ROS1: variants seen among roughly 807,000 people sequenced by gnomAD.
The protein encoded by ROS1 is proto-oncogene tyrosine-protein kinase ROS.
In ROS1, 263 loss-of-function variants were observed where a neutral mutation model predicts 273.5. The ratio of observed to expected loss-of-function variants is 0.96; its 90% confidence interval spans 0.87 to 1.06. The LOEUF (loss-of-function observed/expected upper bound fraction) is 1.06, where lower values mean the gene tolerates loss of function less well. ROS1 is among the 50% of genes least tolerant of loss of function. The probability of loss-of-function intolerance (pLI) is 0.00; values close to 1 mark genes in which losing one functional copy is unlikely to be tolerated. For synonymous variants in ROS1, 1,008 were observed against 954.1 expected (o/e 1.06, Z -1.04); for missense variants, 2,833 against 2,751.1 (o/e 1.03, Z -0.67).
chr6:117,425,626 G>A lies in ROS1; in HGVS notation c.31C>T (p.Leu11Phe). MKNIYCLIPK[L>F]VNFATLGCLW... ...CAGCCAAGAGTTGCAAAATTGACAAGCTTCGGAATAAGACAGTAAATGTTC... is the reference window on the plus strand; with the variant it reads ...CAGCCAAGAGTTGCAAAATTGACAAACTTCGGAATAAGACAGTAAATGTTC... The change falls in exon 1 of 44, where the codon CTT becomes TTT. Residue 11 changes from leucine to phenylalanine, a missense_variant. Coordinates refer to ENST00000368507, the MANE Select transcript of ROS1 (RefSeq NM_001378902.1). 1 of 1,611,980 alleles carries A rather than the reference G, an allele frequency of 6.2e-7. No homozygotes were observed. The highest frequency in any genetic ancestry group is 8.5e-7 in the Non-Finnish European group (1 of 1,179,180).
chr6:117,341,033 A>G (rs904861829), intron 31 of ROS1, 102 bp downstream of exon 31: 2 of 740,130 alleles, frequency 2.7e-6, no homozygotes, highest in Admixed American at 2.9e-5. Flanking sequence ...GAAAGTTGTC[A>G]AATATATTGT....
At chr6:117,405,516 G>A (rs1231766036) in intron 5 of ROS1, among the ~76,000 whole-genome samples, 1 of 152,160 alleles carries the variant, frequency 6.6e-6, no homozygotes, top group Non-Finnish European at 1.5e-5. Flanking sequence ...TCCAATGATG[G>A]AGTTGTCAGC....
intron 33 of ROS1, among the ~76,000 whole-genome samples, chr6:117,327,174 A>T (rs917902229): frequency 6.6e-6 from 1 of 152,186 alleles, no homozygotes; most frequent in Non-Finnish European, 1.5e-5. Context: ...ATCTGGTTCT[A>T]TTCCTGCTAA....
chr6:117,410,609 G>A (rs137996524), intron 4 of ROS1, among the ~76,000 whole-genome samples: 231 of 152,160 alleles, frequency 1.5e-3, no homozygotes, highest in African/African-American at 5.1e-3. Flanking sequence ...CAGAAAAGGC[G>A]CATATTGTAA....
chr6:117,417,636 A>G (rs1775433084), intron 2 of ROS1, among the ~76,000 whole-genome samples: 1 of 152,312 alleles, frequency 6.6e-6, no homozygotes, highest in East Asian at 1.9e-4. Flanking sequence ...GGCAATTGGT[A>G]TGTAACTTGG....
At position 117,362,509 on chromosome 6, in the gene ROS1, ATT is replaced by A. The variant is rs1203651211; in HGVS notation, c.3366+92_3366+93del. The A allele has an allele frequency of 4.1e-6, 5 of 1,219,854 alleles. No homozygotes were observed. In the Admixed American group the frequency reaches 1.2e-4, roughly 29 times the overall value. 75.6% of individuals were successfully genotyped at this position (1,219,854 alleles called of 1,614,324 possible). A position where few individuals can be genotyped will look rare whatever the true frequency, so the allele number is the denominator to read the frequency against. On this transcript the variant is annotated intron_variant, in intron 22 of 43. Coordinates refer to ENST00000368507, the MANE Select transcript of ROS1 (RefSeq NM_001378902.1). ...CAATCAAAATCTAGGTATGTGTGCC[ATT>A]TACACTGTAACATATCCCAGAAACA...
intron 18 of ROS1, among the ~76,000 whole-genome samples, chr6:117,371,791 G>T (rs1780802250): frequency 6.6e-6 from 1 of 152,086 alleles, no homozygotes. Flanking sequence ...GGTCACTGCT[G>T]GCTTTTCCCC....
At position 117,335,303 on chromosome 6, in the gene ROS1, G is replaced by A. The variant is rs144668392; in HGVS notation, c.5230+1869C>T. On this transcript the variant is annotated intron_variant, in intron 32 of 43. Coordinates refer to ENST00000368507, the MANE Select transcript of ROS1 (RefSeq NM_001378902.1). ...ACTACAATGAGATACCATCTCACGC[G>A]AGTCAGAATGGCAACTATTAAAAAG... Among the ~76,000 whole-genome samples the A allele has an allele frequency of 2.8e-3, 430 of 152,146 alleles. 1 individual carries two copies. The highest frequency in any genetic ancestry group is 9.9e-3 in the African/African-American group (410 of 41,558).
At chr6:117,393,624 G>A (rs1773249658) in intron 11 of ROS1, among the ~76,000 whole-genome samples, 1 of 152,174 alleles carries the variant, frequency 6.6e-6, no homozygotes, top group Non-Finnish European at 1.5e-5. Context: ...AGCAATGGCT[G>A]TTGCTTACTG....
chr6:117,341,219 C>T lies in ROS1; in HGVS notation c.4977G>A (p.Leu1659=), dbSNP rs780398903. Residue 1659 remains leucine, a synonymous_variant, in exon 31 of 44, where the codon TTG becomes TTA. Transcript: ENST00000368507. ...ATTGCAAACTAGTGTTCTCTGGAAC[C>T]AAGGAATAAGGTTTCTCTGGTGTGT... ...MFNTPEKPYS[L]VPENTSLQFN... The T allele has an allele frequency of 6.2e-7, 1 of 1,613,352 alleles. No homozygotes were observed. The highest frequency in any genetic ancestry group is 1.1e-5 in the South Asian group (1 of 91,046).
At chr6:117,400,375 T>G (rs1349095407) in intron 7 of ROS1, among the ~76,000 whole-genome samples, 3 of 152,204 alleles carry the variant, frequency 2.0e-5, no homozygotes, top group Non-Finnish European at 1.5e-5. Flanking sequence ...TACAAGGGAG[T>G]AAGCTTCTTA....
At chr6:117,317,064 A>T in intron 39 of ROS1, 79 bp downstream of exon 39, 2 of 1,455,168 alleles carry the variant, frequency 1.4e-6, no homozygotes, top group South Asian at 1.4e-5. Context: ...ACTGCAGCCT[A>T]TTAAATTTAA....
In ROS1 at chr6:117,377,577, C is replaced by A. The variant is rs1045014170; in HGVS notation, c.2582+1482G>T. On this transcript the variant is annotated intron_variant, in intron 18 of 43. Transcript: ENST00000368507. ...AATAAATTTACGATGAATTATAGAT[C>A]TAATCATGAAAGCTAAAACGATAAA... Among the ~76,000 whole-genome samples, 5 of 151,932 alleles carry A rather than the reference C, an allele frequency of 3.3e-5. No homozygotes were observed. In the East Asian group the frequency reaches 9.6e-4, roughly 29 times the overall value.
intron 12 of ROS1, among the ~76,000 whole-genome samples, chr6:117,390,060 T>C (rs1258841658): frequency 6.6e-6 from 1 of 152,238 alleles, no homozygotes; most frequent in Non-Finnish European, 1.5e-5. Context: ...TCAGCCTCAC[T>C]TGTAATGCTT....
chr6:117,303,753 C>T lies in ROS1; in HGVS notation c.6552-2616G>A, dbSNP rs577689221. Among the ~76,000 whole-genome samples, 6 of 152,188 alleles carry T rather than the reference C, an allele frequency of 3.9e-5. No homozygotes were observed. The South Asian group carries it at 1.2e-3, about 32-fold the overall frequency. On this transcript the variant is annotated intron_variant, in intron 42 of 43. Coordinates refer to ENST00000368507, the MANE Select transcript of ROS1 (RefSeq NM_001378902.1). Reference sequence around the variant, plus strand: ...ATGTGGACTATAAATTATAAAGGGGCAGGTTGGAAACTATTAAAGAAGACT... The same window carrying T: ...ATGTGGACTATAAATTATAAAGGGGTAGGTTGGAAACTATTAAAGAAGACT...
intron 27 of ROS1, 89 bp from the exon 28 acceptor site, chr6:117,344,351 TAGAA>T (rs1778201645): frequency 1.1e-6 from 1 of 876,690 alleles, no homozygotes; most frequent in Non-Finnish European, 1.7e-6. Flanking sequence ...TATCAAAGCT[TAGAA>T]AGAAATTTGT....
chr6:117,388,890 A>T (rs1226734967), intron 13 of ROS1, among the ~76,000 whole-genome samples: 1 of 152,194 alleles, frequency 6.6e-6, no homozygotes, highest in Non-Finnish European at 1.5e-5. Flanking sequence ...TTCTATTAAC[A>T]AATGGCAAGT....
Position 117,425,779 on chromosome 6 carries a change from G to T in ROS1, c.-123C>A. The T allele has an allele frequency of 9.6e-7, 1 of 1,044,274 alleles. No individual in the cohort carries two copies. Among genetic ancestry groups the T allele is most frequent in the Non-Finnish European group, 1.4e-6 (1 of 700,682 alleles). The allele number at this position is 1,044,274 out of a possible 1,614,324, so 64.7% of individuals were successfully genotyped here. A position where few individuals can be genotyped will look rare whatever the true frequency, so the allele number is the denominator to read the frequency against. On this transcript the variant is annotated 5_prime_UTR_variant, in exon 1 of 44. Coordinates refer to ENST00000368507, the MANE Select transcript of ROS1 (RefSeq NM_001378902.1). The stretch of plus-strand genomic sequence containing the variant: ...TGATGGATTTTGCTTTGTTTGTTTT[G>T]CTATATTAGGATATACTTGCCTTTT...
intron 35 of ROS1, among the ~76,000 whole-genome samples, chr6:117,322,912 T>A (rs1776378355): frequency 1.3e-5 from 2 of 152,148 alleles, no homozygotes; most frequent in Non-Finnish European, 2.9e-5. Flanking sequence ...CAATAGGTTG[T>A]CTGAAATTAT....
Sources: allele counts gnomAD v4.1 joint callset (sites outside exome capture counted in the v4.1 genomes callset), GRCh38; gene constraint gnomAD v4.1.1; transcripts MANE v1.5; gene names NCBI Gene and HGNC (gene_info 2026-07-23, HGNC 2026-07-21).